The following CARS1 variants were observed in gnomAD, a reference collection of about 807,000 sequenced individuals.
CARS1 encodes cysteinyl-tRNA synthetase 1.
Under a neutral mutation model 106.2 loss-of-function variants are expected in CARS1, and 48 were observed. The ratio of observed to expected loss-of-function variants is 0.45; its 90% CI spans 0.36 to 0.57. The LOEUF is 0.57. Ranked by LOEUF, CARS1 falls within the 20% of genes least tolerant of loss-of-function variation. The pLI is 0.00. For missense variants in CARS1, 968 were observed against 1,057.2 expected, an observed-to-expected ratio of 0.92 and a Z score of 1.17; for synonymous variants, 409 against 403.4, an observed-to-expected ratio of 1.01 and a Z score of -0.17.
At chr11:3,047,728 C>A in intron 2 of CARS1, 25 bp downstream of exon 2, 1 of 1,589,182 alleles carries the variant, frequency 6.3e-7, no homozygotes, top group Non-Finnish European at 8.6e-7. Context: ...GTTCTAATGG[C>A]CAGGGAACCC....
At position 3,038,227 on chromosome 11, in the gene CARS1, A is replaced by G. The variant is rs780077914; in HGVS notation, c.652-28T>C. ...GCAACCATAAAGAGACGTCAAATCT[A>G]TTAGATACTGCTCAGCAAAACCTAA... On this transcript the variant is annotated intron_variant, in intron 6 of 22. Transcript: ENST00000380525. The surrounding 1 kb of genome is among the most constrained non-coding windows in gnomAD (Gnocchi z 4.0). 2.5e-6 allele frequency: 4 copies of G among 1,603,704 alleles called. No individual in the cohort carries two copies. Among genetic ancestry groups the G allele is most frequent in the Admixed American group, 1.7e-5 (1 of 59,608 alleles).
At position 3,008,389 on chromosome 11, in the gene CARS1, G is replaced by A. The variant is rs1467287483; in HGVS notation, c.2069-1430C>T. Reference sequence around the variant, plus strand: ...TAATCCCAGCACTTTTGGAGGCTGAGGCGGGTGGATCACAAGGTCAGGAGA... The same window carrying A: ...TAATCCCAGCACTTTTGGAGGCTGAAGCGGGTGGATCACAAGGTCAGGAGA... On this transcript the variant is annotated intron_variant, in intron 18 of 22. Coordinates refer to ENST00000380525, the MANE Select transcript of CARS1 (RefSeq NM_001014437.3). The surrounding 1 kb of genome is among the most constrained non-coding windows in gnomAD (Gnocchi z 5.1). The A allele has an allele frequency of 1.3e-5, 2 of 152,262 alleles. No homozygotes were observed. Among genetic ancestry groups the A allele is most frequent in the Non-Finnish European group, 2.9e-5 (2 of 68,104 alleles). The allele number at this position is 152,262 out of a possible 1,614,324, so 9.4% of individuals were successfully genotyped here.
chr11:3,002,083 C>T (rs771192339), intron 21 of CARS1, 30 bp from the exon 22 acceptor site: 2 of 1,495,574 alleles, frequency 1.3e-6, no homozygotes, highest in Admixed American at 3.3e-5. Flanking sequence ...ACAGTCACTG[C>T]CCCCGAGCAG....
chr11:3,035,861 G>A (rs938363636), intron 7 of CARS1, among the ~76,000 whole-genome samples: 6 of 152,184 alleles, frequency 3.9e-5, no homozygotes, highest in Admixed American at 3.3e-4. Flanking sequence ...CCTGAGAAAG[G>A]CCTGCCTACA....
Position 3,029,556 on chromosome 11 carries a change from C to T in CARS1, c.802-113G>A. The T allele has an allele frequency of 8.4e-7, 1 of 1,196,296 alleles. No individual in the cohort carries two copies. Among genetic ancestry groups the T allele is most frequent in the Non-Finnish European group, 1.2e-6 (1 of 854,182 alleles). 74.1% of individuals were successfully genotyped at this position (1,196,296 alleles called of 1,614,324 possible). ...CTGAATTCAAAGGTGCTGACCTTGACCTGTGAAGAGCCACCGTCTCCTAGG... is the reference window on the plus strand; with the variant it reads ...CTGAATTCAAAGGTGCTGACCTTGATCTGTGAAGAGCCACCGTCTCCTAGG... On this transcript the variant is annotated intron_variant, in intron 7 of 22. Coordinates refer to ENST00000380525, the MANE Select transcript of CARS1 (RefSeq NM_001014437.3). The surrounding 1 kb of genome is among the most constrained non-coding windows in gnomAD (Gnocchi z 5.9).
Position 3,045,119 on chromosome 11 carries a change from G to A in CARS1, c.274+2634C>T, listed in dbSNP as rs1358670659. Among the ~76,000 whole-genome samples the A allele has an allele frequency of 6.6e-6, 1 of 152,132 alleles. No individual in the cohort carries two copies. Among genetic ancestry groups the A allele is most frequent in the African/African-American group, 2.4e-5 (1 of 41,436 alleles). On this transcript the variant is annotated intron_variant, in intron 2 of 22. Coordinates refer to ENST00000380525, the MANE Select transcript of CARS1 (RefSeq NM_001014437.3). The surrounding 1 kb of genome is among the most constrained non-coding windows in gnomAD (Gnocchi z 5.6). ...GCTGGAAGGGCTGAGCCTCCACTGCGGGTGAGAAGTGCTCAACAAGTTCAA... is the reference window on the plus strand; with the variant it reads ...GCTGGAAGGGCTGAGCCTCCACTGCAGGTGAGAAGTGCTCAACAAGTTCAA...
chr11:3,032,048 CTCCCTCCCTCCCTCCTTCCTTCCT>C lies in CARS1; in HGVS notation c.802-2629_802-2606del, dbSNP rs1329358365. On this transcript the variant is annotated intron_variant, in intron 7 of 22. Coordinates refer to ENST00000380525, the MANE Select transcript of CARS1 (RefSeq NM_001014437.3). ...CCTCCCTCCCTCCCTCCCTCCCTCC[CTCCCTCCCTCCCTCCTTCCTTCCT>C]TCCTTCCTTCCTTCCTTCCTTGATG... Among the ~76,000 whole-genome samples, 93 of 15,606 alleles carry C rather than the reference CTCCCTCCCTCCCTCCTTCCTTCCT, an allele frequency of 6.0e-3. 5 individuals carry two copies. The highest frequency in any genetic ancestry group is 0.019 in the African/African-American group (82 of 4,316). 10.2% of individuals were successfully genotyped at this position (15,606 alleles called of 152,430 possible).
Position 3,017,624 on chromosome 11 carries a change from C to T in CARS1, c.1727+233G>A, listed in dbSNP as rs966519617. On this transcript the variant is annotated intron_variant, in intron 15 of 22. Transcript: ENST00000380525. This position sits in a 1 kb window ranked among gnomAD's most constrained non-coding sequence, Gnocchi z 4.9. ...CGCCACTGCACTCCAGCCTGGGCAA[C>T]AAGGGCGAAACTCCGTCTCAAAAAG... is the stretch of plus-strand genomic sequence containing the variant. The T allele has an allele frequency of 3.0e-5, 17 of 562,876 alleles. No homozygotes were observed. In the African/African-American group the frequency reaches 3.2e-4, roughly 11 times the overall value. The allele number at this position is 562,876 out of a possible 1,614,324, so 34.9% of individuals were successfully genotyped here. A position where few individuals can be genotyped will look rare whatever the true frequency, so the allele number is the denominator to read the frequency against.
Position 3,039,924 on chromosome 11 carries a change from T to C in CARS1, c.463A>G (p.Ile155Val). ...ACTCTTCTCAAGATATCAAAAGAGA[T>C]GTAGGACCTAAAGCAATGAAAAAAC... is the stretch of plus-strand genomic sequence containing the variant. ...ASHMGHARSY[I>V]SFDILRRVLK... The change falls in exon 5 of 23, where the codon ATC becomes GTC. Residue 155 changes from isoleucine to valine, a missense_variant. Coordinates refer to ENST00000380525, the MANE Select transcript of CARS1 (RefSeq NM_001014437.3). This position sits in a 1 kb window ranked among gnomAD's most constrained non-coding sequence, Gnocchi z 5.6. 6.4e-7 allele frequency: 1 copy of C among 1,565,834 alleles called. No homozygotes were observed. The highest frequency in any genetic ancestry group is 2.3e-5 in the East Asian group (1 of 43,728).
Position 3,050,861 on chromosome 11 carries a change from C to T in CARS1, c.26-2860G>A, listed in dbSNP as rs1257437338. On this transcript the variant is annotated intron_variant, in intron 1 of 22. Coordinates refer to ENST00000380525, the MANE Select transcript of CARS1 (RefSeq NM_001014437.3). The surrounding 1 kb of genome is among the most constrained non-coding windows in gnomAD (Gnocchi z 6.3). ...CCTGAGCCTGGCTGCTCTTTCTCTC[C>T]GCAGCACCCCTGTCTAACACGTGCC... Among the ~76,000 whole-genome samples, 4 of 152,220 alleles carry T rather than the reference C, an allele frequency of 2.6e-5. No homozygotes were observed. Among genetic ancestry groups the T allele is most frequent in the Non-Finnish European group, 5.9e-5 (4 of 68,040 alleles).
chr11:3,006,900 C>T lies in CARS1; in HGVS notation c.2128G>A (p.Val710Met). The change falls in exon 19 of 23, where the codon GTG becomes ATG. Residue 710 changes from valine to methionine, a missense_variant. By Grantham distance (21) the Val-to-Met change is conservative. Coordinates refer to ENST00000380525, the MANE Select transcript of CARS1 (RefSeq NM_001014437.3). The part of the protein sequence containing the change: ...LRDNILPELG[V>M]RFEDHEGLPT... Reference sequence around the variant, plus strand: ...CCACCTTCGTGGTCTTCAAACCGCACCCCAAGCTCGGGCAGGATGTTGTCC... The same window carrying T: ...CCACCTTCGTGGTCTTCAAACCGCATCCCAAGCTCGGGCAGGATGTTGTCC... 1 of 1,614,090 alleles carries T rather than the reference C, an allele frequency of 6.2e-7. No individual in the cohort carries two copies. Among genetic ancestry groups the T allele is most frequent in the Non-Finnish European group, 8.5e-7 (1 of 1,179,978 alleles).
At position 3,054,812 on chromosome 11, in the gene CARS1, T is replaced by C. The variant is rs1856035745; in HGVS notation, c.25+2531A>G. On this transcript the variant is annotated intron_variant, in intron 1 of 22. Coordinates refer to ENST00000380525, the MANE Select transcript of CARS1 (RefSeq NM_001014437.3). The stretch of plus-strand genomic sequence containing the variant: ...CTGGCACAGACTCATGCTGAAAAAA[T>C]GCTGGCTGTGTTATTATGAAGACCC... 3 of 696,128 alleles carry C rather than the reference T, an allele frequency of 4.3e-6. No homozygotes were observed. The African/African-American group carries it at 5.3e-5, about 12-fold the overall frequency. 43.1% of individuals were successfully genotyped at this position (696,128 alleles called of 1,614,324 possible). A position where few individuals can be genotyped will look rare whatever the true frequency, so the allele number is the denominator to read the frequency against.
In CARS1 at chr11:3,020,438, A is replaced by G; in HGVS notation, c.1154-106T>C. Reference sequence around the variant, plus strand: ...TGCCTAATGGGCAGTCCTTCTGACTAACTTCTGTTTATTAACTTGGCTCAA... The same window carrying G: ...TGCCTAATGGGCAGTCCTTCTGACTGACTTCTGTTTATTAACTTGGCTCAA... On this transcript the variant is annotated intron_variant, in intron 10 of 22. Transcript: ENST00000380525. The surrounding 1 kb of genome is among the most constrained non-coding windows in gnomAD (Gnocchi z 4.6). 1.5e-6 allele frequency: 1 copy of G among 685,144 alleles called. No individual in the cohort carries two copies. Among genetic ancestry groups the G allele is most frequent in the Non-Finnish European group, 2.7e-6 (1 of 374,936 alleles). The allele number at this position is 685,144 out of a possible 1,614,324, so 42.4% of individuals were successfully genotyped here.
intron 7 of CARS1, among the ~76,000 whole-genome samples, chr11:3,032,165 C>T (rs372233): frequency 0.33 from 49,926 of 150,508 alleles, 10,189 homozygotes; most frequent in East Asian, 0.63. Context: ...CTCCGCCTCC[C>T]GGGTTCAAGC....
rs1853241406 is a variant in CARS1, at chr11:3,034,037, C to G, written c.801+4013G>C. ...GCTCAAGGGATCCTCTTGCCTTGGC[C>G]TCCCAAGGTGCTATGATTACAGGAA... On this transcript the variant is annotated intron_variant, in intron 7 of 22. Transcript: ENST00000380525. The surrounding 1 kb of genome is among the most constrained non-coding windows in gnomAD (Gnocchi z 6.3). Among the ~76,000 whole-genome samples the G allele has an allele frequency of 6.6e-6, 1 of 152,180 alleles. No homozygotes were observed. Among genetic ancestry groups the G allele is most frequent in the Non-Finnish European group, 1.5e-5 (1 of 68,032 alleles).
At chr11:3,016,234 T>G (rs1170434840) in intron 16 of CARS1, among the ~76,000 whole-genome samples, 1 of 151,436 alleles carries the variant, frequency 6.6e-6, no homozygotes, top group East Asian at 1.9e-4. Flanking sequence ...TTTTTTTTTT[T>G]TTTTGAGATG....
In CARS1 at chr11:3,050,436, C is replaced by T. The variant is rs540077507; in HGVS notation, c.26-2435G>A. Among the ~76,000 whole-genome samples, 71 of 152,322 alleles carry T rather than the reference C, an allele frequency of 4.7e-4. No individual in the cohort carries two copies. Among genetic ancestry groups the T allele is most frequent in the Admixed American group, 9.1e-4 (14 of 15,306 alleles). ...TCCTTAGGAGCACCCATAGCCAACC[C>T]ACGGGAGGATCCGGGGCCTCTAACT... On this transcript the variant is annotated intron_variant, in intron 1 of 22. Transcript: ENST00000380525. The surrounding 1 kb of genome is among the most constrained non-coding windows in gnomAD (Gnocchi z 6.3).
chr11:3,001,514 C>G (rs1449655530), intron 22 of CARS1, among the ~76,000 whole-genome samples: 1 of 152,162 alleles, frequency 6.6e-6, no homozygotes, highest in East Asian at 1.9e-4. Context: ...CAGAGCCTAC[C>G]CATGGCTGAG....
At position 3,037,022 on chromosome 11, in the gene CARS1, GAA is replaced by G. The variant is rs1853732796; in HGVS notation, c.801+1026_801+1027del. On this transcript the variant is annotated intron_variant, in intron 7 of 22. Coordinates refer to ENST00000380525, the MANE Select transcript of CARS1 (RefSeq NM_001014437.3). The surrounding 1 kb of genome is among the most constrained non-coding windows in gnomAD (Gnocchi z 5.9). Reference sequence around the variant, plus strand: ...TTTACCACAATTAAAAAAAAAAAAAGAATATTAGTGGAACAACTGGGAAAAAA... The same window carrying G: ...TTTACCACAATTAAAAAAAAAAAAAGTATTAGTGGAACAACTGGGAAAAAA... Among the ~76,000 whole-genome samples the G allele has an allele frequency of 6.6e-6, 1 of 150,958 alleles. No individual in the cohort carries two copies.
Sources: gnomAD v4.1 joint callset for allele counts (sites outside exome capture counted in the v4.1 genomes callset) on GRCh38, gnomAD v4.1.1 for gene constraint, Gnocchi (gnomAD v3.1) non-coding constraint, MANE v1.5 for transcripts, NCBI Gene and HGNC (gene_info 2026-07-23, HGNC 2026-07-21) for gene names.